Variants in CELSR1 observed in about 807,000 individuals in gnomAD.
The protein encoded by CELSR1 is adhesion G protein-coupled receptor C1.
CELSR1 carries 110 observed loss-of-function variants against 249.1 expected under a neutral mutation model. The observed-to-expected ratio is 0.44, with a 90% CI of 0.38 to 0.52. CELSR1 has a LOEUF of 0.52. Ranked by LOEUF, CELSR1 falls within the 20% of genes least tolerant of loss-of-function variation. CELSR1 has a pLI of 0.00. For missense variants in CELSR1, 4,109 were observed against 4,296.4 expected (o/e 0.96, Z 1.22); for synonymous variants, 2,113 against 1,900.0 (o/e 1.11, Z -2.92).
In CELSR1 at chr22:46,507,520, G is replaced by A. The variant is rs548119119; in HGVS notation, c.3544+26107C>T. The stretch of plus-strand genomic sequence containing the variant: ...GCCCTGGCTCAGGTGGGCTATACTC[G>A]GTGTGCCCCAGGCCCCAACAGCCTG... On this transcript the variant is annotated intron_variant, in intron 1 of 34. Transcript: ENST00000674500. Among the ~76,000 whole-genome samples, 5 of 152,120 alleles carry A rather than the reference G, an allele frequency of 3.3e-5. No homozygotes were observed. The East Asian group carries it at 7.8e-4, about 24-fold the overall frequency.
At chr22:46,369,555 G>A (rs1462143974) in intron 26 of CELSR1, 137 bp downstream of exon 26, 2 of 736,856 alleles carry the variant, frequency 2.7e-6, no homozygotes, top group Non-Finnish European at 4.5e-6. Context: ...TGGCGGCTTT[G>A]CTGACTGTTA....
intron 1 of CELSR1, among the ~76,000 whole-genome samples, chr22:46,495,803 G>C (rs1037054968): frequency 6.6e-6 from 1 of 151,964 alleles, no homozygotes; most frequent in Non-Finnish European, 1.5e-5. Flanking sequence ...CAACAAGAGC[G>C]AAACTCCATC....
intron 1 of CELSR1, among the ~76,000 whole-genome samples, chr22:46,504,267 A>G (rs2080492658): frequency 6.6e-6 from 1 of 152,130 alleles, no homozygotes; most frequent in Non-Finnish European, 1.5e-5. Flanking sequence ...TAATCCCAGC[A>G]CTTTGGGAGG....
chr22:46,394,280 G>A lies in CELSR1; in HGVS notation c.5844-18C>T, dbSNP rs2079125634. On this transcript the variant is annotated intron_variant, in intron 13 of 34. Coordinates refer to ENST00000674500, the MANE Select transcript of CELSR1 (RefSeq NM_001378328.1). ...GGTCGAGTCTGTGGGGAAAATAAGA[G>A]GGCAGCTGGAAGGTTTATGTAACTG... 6.2e-7 allele frequency: 1 copy of A among 1,609,042 alleles called. No homozygotes were observed. Among genetic ancestry groups the A allele is most frequent in the South Asian group, 1.1e-5 (1 of 90,654 alleles).
rs142317772 is a variant in CELSR1 at position 46,369,764 on chromosome 22, G to A, written c.7800C>T (p.Pro2600=). The change falls in exon 26 of 35, where the codon CCC becomes CCT. Residue 2600 remains proline (P), a synonymous_variant. Coordinates refer to ENST00000674500, the MANE Select transcript of CELSR1 (RefSeq NM_001378328.1). ...CTTGAAGCGACAGCCAGCAGAAGTC[G>A]GGGTTCCCGTAGCCCTGGGGGTCCA... ...VGLDPQGYGN[P]DFCWLSLQDT... 1.7e-5 allele frequency: 27 copies of A among 1,613,240 alleles called. No individual in the cohort carries two copies. Among genetic ancestry groups the A allele is most frequent in the South Asian group, 2.2e-5 (2 of 91,086 alleles).
At chr22:46,480,475 C>A (rs1217283332) in intron 1 of CELSR1, among the ~76,000 whole-genome samples, 1 of 152,204 alleles carries the variant, frequency 6.6e-6, no homozygotes, top group East Asian at 1.9e-4. Context: ...TTAAAATCAA[C>A]TTGTATGCCC....
intron 25 of CELSR1, among the ~76,000 whole-genome samples, chr22:46,372,229 C>T: frequency 6.7e-6 from 1 of 149,386 alleles, no homozygotes; most frequent in African/African-American, 2.5e-5. Context: ...CTCACCCATC[C>T]ATGCATCCAC....
chr22:46,485,774 AGCCATCAGACCCCGCAGAGG>A (rs2080306912), intron 1 of CELSR1, among the ~76,000 whole-genome samples: 1 of 152,072 alleles, frequency 6.6e-6, no homozygotes, highest in Admixed American at 6.6e-5. Context: ...GGCGCACTGG[AGCCATCAGACCCCGCAGAGG>A]GAGAAACAGA....
rs2080074870 is a variant in CELSR1, at chr22:46,464,469, T to C, written c.3545-124A>G. On this transcript the variant is annotated intron_variant, in intron 1 of 34. Coordinates refer to ENST00000674500, the MANE Select transcript of CELSR1 (RefSeq NM_001378328.1). This position sits in a 1 kb window ranked among gnomAD's most constrained non-coding sequence, Gnocchi z 8.5. ...GAGAAGAGAGCCTGGGCATCCCCACTCCCCATTCCCCACCCATGACCACCA... is the reference window on the plus strand; with the variant it reads ...GAGAAGAGAGCCTGGGCATCCCCACCCCCCATTCCCCACCCATGACCACCA... The C allele has an allele frequency of 1.8e-5, 17 of 959,488 alleles. No homozygotes were observed. The South Asian group carries it at 2.7e-4, about 15-fold the overall frequency. The allele number at this position is 959,488 out of a possible 1,614,324, so 59.4% of individuals were successfully genotyped here.
At chr22:46,509,538 C>A (rs1490955012) in intron 1 of CELSR1, among the ~76,000 whole-genome samples, 2 of 17,938 alleles carry the variant, frequency 1.1e-4, no homozygotes, top group African/African-American at 2.9e-4. Flanking sequence ...GTCAACTGGA[C>A]AGTGGGTGCT....
At chr22:46,372,523 T>C (rs1268737175) in intron 25 of CELSR1, among the ~76,000 whole-genome samples, 12 of 112,668 alleles carry the variant, frequency 1.1e-4, no homozygotes, top group African/African-American at 4.0e-4. Context: ...CACCCACCCA[T>C]TCATCCTCTC....
rs998454590 is a variant in CELSR1 at position 46,399,518 on chromosome 22, G to A, written c.5412+199C>T. ...TCAGCTGCTGACTGCCGGGGGCGGG[G>A]CATCCGGATGAAGGAGGTGAGGAAG... On this transcript the variant is annotated intron_variant, in intron 10 of 34. Coordinates refer to ENST00000674500, the MANE Select transcript of CELSR1 (RefSeq NM_001378328.1). The surrounding 1 kb of genome is among the most constrained non-coding windows in gnomAD (Gnocchi z 5.0). Among the ~76,000 whole-genome samples the A allele has an allele frequency of 1.3e-5, 2 of 152,194 alleles. No homozygotes were observed.
In CELSR1 at chr22:46,367,750, G is replaced by A. The variant is rs143334899; in HGVS notation, c.8058C>T (p.Phe2686=). 59 of 1,605,060 alleles carry A rather than the reference G, an allele frequency of 3.7e-5. No homozygotes were observed. Among genetic ancestry groups the A allele is most frequent in the African/African-American group, 6.7e-5 (5 of 74,896 alleles). Residue 2686 remains phenylalanine, a synonymous_variant, in exon 28 of 35, where the codon TTC becomes TTT. Transcript: ENST00000674500. ...NRDALSFHYL[F]AIFSGLQGPF... ...CTACCTGTAAGCCGCTGAAGATGGC[G>A]AAGAGGTAGTGAAAGCTCAGTGCAT...
At position 46,387,356 on chromosome 22, in the gene CELSR1, G is replaced by A. The variant is rs116003835; in HGVS notation, c.6556-771C>T. ...CATTAATCAAAGTTGAATTCAAATA[G>A]ATAAGGAAGTCTTTTTGTTTGTTTG... On this transcript the variant is annotated intron_variant, in intron 18 of 34. Coordinates refer to ENST00000674500, the MANE Select transcript of CELSR1 (RefSeq NM_001378328.1). 2.7e-3 allele frequency among the ~76,000 whole-genome samples: 415 copies of A among 152,070 alleles called. 7 individuals are homozygous for A. Among genetic ancestry groups the A allele is most frequent in the African/African-American group, 9.9e-3 (408 of 41,358 alleles).
At chr22:46,449,029 T>A (rs960508709) in intron 2 of CELSR1, among the ~76,000 whole-genome samples, 5 of 151,966 alleles carry the variant, frequency 3.3e-5, no homozygotes, top group Non-Finnish European at 5.9e-5. Flanking sequence ...CATCCTTCCA[T>A]ATACCCACCC....
chr22:46,462,896 C>T (rs750315340), intron 2 of CELSR1: 12 of 467,844 alleles, frequency 2.6e-5, no homozygotes, highest in East Asian at 7.1e-5. Context: ...TCTTCAGAGG[C>T]GGGAGGATGA....
At chr22:46,476,535 G>A (rs1299418912) in intron 1 of CELSR1, among the ~76,000 whole-genome samples, 1 of 149,620 alleles carries the variant, frequency 6.7e-6, no homozygotes. Flanking sequence ...GGCAGAGGTT[G>A]CAGTAAACTG....
Position 46,406,875 on chromosome 22 carries a change from G to A in CELSR1, c.5226+2121C>T, listed in dbSNP as rs12170930. Among the ~76,000 whole-genome samples, 1,153 of 10,384 alleles carry A rather than the reference G, an allele frequency of 0.11. 16 individuals carry two copies. Among genetic ancestry groups the A allele is most frequent in the African/African-American group, 0.29 (1,090 of 3,748 alleles). The allele number at this position is 10,384 out of a possible 152,430, so 6.8% of individuals were successfully genotyped here. On this transcript the variant is annotated intron_variant, in intron 9 of 34. Transcript: ENST00000674500. The surrounding 1 kb of genome is among the most constrained non-coding windows in gnomAD (Gnocchi z 5.4). Reference sequence around the variant, plus strand: ...CGGGATGGTGTCCAGGACACACTCGGCAGCAAAAGAAGCCCAGAGCCCAAC... The same window carrying A: ...CGGGATGGTGTCCAGGACACACTCGACAGCAAAAGAAGCCCAGAGCCCAAC...
chr22:46,443,694 C>T (rs1052256622), intron 2 of CELSR1, among the ~76,000 whole-genome samples: 2 of 152,254 alleles, frequency 1.3e-5, no homozygotes, highest in Non-Finnish European at 2.9e-5. Flanking sequence ...TGCGTTGACA[C>T]ACCCTCACAG....
Sources: allele counts gnomAD v4.1 joint callset (sites outside exome capture counted in the v4.1 genomes callset), GRCh38; gene constraint gnomAD v4.1.1; non-coding constraint Gnocchi (gnomAD v3.1); transcripts MANE v1.5; gene names NCBI Gene and HGNC (gene_info 2026-07-23, HGNC 2026-07-21).